Variants in STAT5B observed in about 807,000 individuals in gnomAD.
STAT5B encodes transcription factor STAT5B.
In STAT5B, 21 loss-of-function variants were observed where a neutral mutation model predicts 107.8. The observed-to-expected ratio is 0.19, with a 90% CI of 0.14 to 0.28. The LOEUF is 0.28. Ranked by LOEUF, STAT5B falls within the 10% of genes least tolerant of loss-of-function variation. The pLI is 1.00. For missense variants in STAT5B, 565 were observed against 1,008.2 expected (o/e 0.56, Z 5.95); for synonymous variants, 325 against 401.7 (o/e 0.81, Z 2.28).
intron 1 of STAT5B, among the ~76,000 whole-genome samples, chr17:42,262,982 A>G (rs1304825534): frequency 5.2e-4 from 19 of 36,732 alleles, no homozygotes; most frequent in African/African-American, 1.4e-3. Flanking sequence ...ATATATATAT[A>G]TATATATATA....
chr17:42,271,055 C>T (rs2080718937), intron 1 of STAT5B: 1 of 152,230 alleles, frequency 6.6e-6, no homozygotes. Flanking sequence ...GCTCACCTCT[C>T]GAAAGGTGGC....
intron 1 of STAT5B, among the ~76,000 whole-genome samples, chr17:42,239,238 C>T (rs1262248829): frequency 7.6e-6 from 1 of 131,986 alleles, no homozygotes; most frequent in Non-Finnish European, 1.5e-5. Flanking sequence ...CAGAGCAAGA[C>T]TCTGTCTCAA....
At chr17:42,276,538 C>G (rs2144452312), upstream of STAT5B, 1 of 151,602 alleles carries the variant, frequency 6.6e-6, no homozygotes, top group Middle Eastern at 3.4e-3. This position sits in a 1 kb window ranked among gnomAD's most constrained non-coding sequence, Gnocchi z 4.8. Flanking sequence ...CTCGCGCCCC[C>G]TCCGCGACCG....
the STAT5B span, among the ~76,000 whole-genome samples, chr17:42,284,066 A>C: frequency 2.3e-4 from 35 of 152,104 alleles, 1 homozygote; most frequent in African/African-American, 8.0e-4. Context: ...TCTGGCTCCC[A>C]TGTAACAGGA....
At chr17:42,216,247 C>T in intron 11 of STAT5B, 141 bp from the exon 12 acceptor site, 1 of 718,810 alleles carries the variant, frequency 1.4e-6, no homozygotes, top group Non-Finnish European at 2.3e-6. Flanking sequence ...ATCTAAATGG[C>T]CCCAGGAATA....
At chr17:42,279,335 G>A (rs922106998), upstream of STAT5B, among the ~76,000 whole-genome samples, 4 of 152,190 alleles carry the variant, frequency 2.6e-5, no homozygotes, top group East Asian at 7.7e-4. Flanking sequence ...GGAAATAAGT[G>A]TTTACTACAT....
At chr17:42,208,784 T>G (rs1202252864) in intron 15 of STAT5B, among the ~76,000 whole-genome samples, 1 of 151,646 alleles carries the variant, frequency 6.6e-6, no homozygotes, top group African/African-American at 2.4e-5. Flanking sequence ...CAGGCTGGAG[T>G]GCAGTGGCGC....
chr17:42,239,163 G>A (rs1426905815), intron 1 of STAT5B, among the ~76,000 whole-genome samples: 4 of 147,586 alleles, frequency 2.7e-5, no homozygotes, highest in African/African-American at 7.7e-5. Flanking sequence ...CAGAAGAATC[G>A]CTTGAACCCA....
At chr17:42,202,093 G>T in intron 18 of STAT5B, 1 of 639,536 alleles carries the variant, frequency 1.6e-6, no homozygotes, top group Non-Finnish European at 2.8e-6. Context: ...ACTCCACTCA[G>T]TCCTTAGAGC....
rs1046560555 is a variant in STAT5B, at chr17:42,240,143, C to A, written c.-10-8006G>T. On this transcript the variant is annotated intron_variant, in intron 1 of 18. Coordinates refer to ENST00000293328, the MANE Select transcript of STAT5B (RefSeq NM_012448.4). ...GGGCAAGCACAGCAAGACTCTGTCTCAAAAACAAAGCAAAACAAAAAACAG... is the reference window on the plus strand; with the variant it reads ...GGGCAAGCACAGCAAGACTCTGTCTAAAAAACAAAGCAAAACAAAAAACAG... Among the ~76,000 whole-genome samples, 5 of 152,122 alleles carry A rather than the reference C, an allele frequency of 3.3e-5. No individual in the cohort carries two copies. The South Asian group carries it at 6.2e-4, about 19-fold the overall frequency.
At position 42,223,479 on chromosome 17, in the gene STAT5B, C is replaced by T. The variant is rs1249076959; in HGVS notation, c.453G>A (p.Leu151=). ...HLQINQTFEE[L]RLVTQDTENE... ...TCTCTGTGTCCTGCGTGACCAGTCG[C>T]AGCTCCTCAAACGTCTGGTTGATCT... Residue 151 remains leucine, a synonymous_variant, in exon 5 of 19, where the codon CTG becomes CTA. Transcript: ENST00000293328. The T allele has an allele frequency of 6.2e-7, 1 of 1,614,200 alleles. No homozygotes were observed. The highest frequency in any genetic ancestry group is 1.1e-5 in the South Asian group (1 of 91,088).
chr17:42,247,133 T>A (rs1298324537), intron 1 of STAT5B, among the ~76,000 whole-genome samples: 1 of 152,200 alleles, frequency 6.6e-6, no homozygotes, highest in African/African-American at 2.4e-5. Context: ...TGCAGGGCAA[T>A]CTTGCTAAGG....
rs1351003657 is a variant in STAT5B, at chr17:42,219,087, C to G, written c.834-209G>C. Among the ~76,000 whole-genome samples, 3 of 152,170 alleles carry G rather than the reference C, an allele frequency of 2.0e-5. No homozygotes were observed. The South Asian group carries it at 6.2e-4, about 31-fold the overall frequency. ...TAGGCCCAAACAGCCCAAGCATCAC[C>G]CCACACACCCGAACCCTGTCCCATC... On this transcript the variant is annotated intron_variant, in intron 7 of 18. Coordinates refer to ENST00000293328, the MANE Select transcript of STAT5B (RefSeq NM_012448.4).
In STAT5B at chr17:42,227,544, A is replaced by G. The variant is rs768410888; in HGVS notation, c.270T>C (p.Tyr90=). ...CCACACCCACCTGGAGCTGTGTGGC[A>G]TAGTGCCCCAGCTTGATCTTCAGTA... ...GFLLKIKLGH[Y]ATQLQNTYDR... Residue 90 remains tyrosine (Y), a synonymous_variant, in exon 3 of 19, where the codon TAT becomes TAC. Coordinates refer to ENST00000293328, the MANE Select transcript of STAT5B (RefSeq NM_012448.4). 11 of 1,613,282 alleles carry G rather than the reference A, an allele frequency of 6.8e-6. No homozygotes were observed. The highest frequency in any genetic ancestry group is 2.7e-5 in the African/African-American group (2 of 74,894).
At chr17:42,252,822 T>C (rs1194462774) in intron 1 of STAT5B, among the ~76,000 whole-genome samples, 1 of 152,192 alleles carries the variant, frequency 6.6e-6, no homozygotes, top group East Asian at 1.9e-4. Context: ...AGAGAAGAAT[T>C]ACATGAAATA....
In STAT5B at chr17:42,218,134, G is replaced by T. The variant is rs904343545; in HGVS notation, c.1169+17C>A. On this transcript the variant is annotated intron_variant, in intron 9 of 18. Coordinates refer to ENST00000293328, the MANE Select transcript of STAT5B (RefSeq NM_012448.4). ...ATGAGACAAGTAGCAGGGAATGAGA[G>T]GAAGCTGCACAATTACTTGCGGGTG... is the stretch of plus-strand genomic sequence containing the variant. The T allele has an allele frequency of 3.1e-6, 5 of 1,612,314 alleles. No homozygotes were observed. The highest frequency in any genetic ancestry group is 4.2e-6 in the Non-Finnish European group (5 of 1,179,220).
intron 1 of STAT5B, among the ~76,000 whole-genome samples, chr17:42,252,933 G>A (rs551688615): frequency 3.9e-5 from 6 of 152,232 alleles, no homozygotes; most frequent in Non-Finnish European, 5.9e-5. Flanking sequence ...GAGTATAAAC[G>A]AAAAGCACAT....
intron 1 of STAT5B, among the ~76,000 whole-genome samples, chr17:42,264,560 G>C (rs2080650427): frequency 6.6e-6 from 1 of 151,988 alleles, no homozygotes; most frequent in Admixed American, 6.6e-5. Flanking sequence ...TGGCTGCATA[G>C]TATTCCATGG....
At chr17:42,206,909 C>T (rs1235638602) in intron 16 of STAT5B, among the ~76,000 whole-genome samples, 1 of 138,870 alleles carries the variant, frequency 7.2e-6, no homozygotes, top group Non-Finnish European at 1.6e-5. Flanking sequence ...CTGAGTCTCA[C>T]CCTATTGCCC....
Sources: allele counts gnomAD v4.1 joint callset (sites outside exome capture counted in the v4.1 genomes callset), GRCh38; gene constraint gnomAD v4.1.1; non-coding constraint Gnocchi (gnomAD v3.1); transcripts MANE v1.5; gene names NCBI Gene and HGNC (gene_info 2026-07-23, HGNC 2026-07-21).